Variants in RASA2 observed in about 807,000 individuals in gnomAD.
RASA2 encodes ras GTPase-activating protein 2.
A neutral mutation model predicts 118.2 loss-of-function variants in RASA2; 155 were observed. That is an observed-to-expected ratio of 1.31 (90% CI 1.15 to 1.50). The LOEUF is 1.50. Among genes scored for constraint, RASA2 ranks in the 40% most tolerant of loss-of-function variants. The pLI, the probability that RASA2 is intolerant of heterozygous loss-of-function variation, is 0.00. For synonymous variants in RASA2, 353 were observed against 349.1 expected, an observed-to-expected ratio of 1.01 and a Z score of -0.12; for missense variants, 1,016 against 1,009.6, an observed-to-expected ratio of 1.01 and a Z score of -0.09.
intron 3 of RASA2, among the ~76,000 whole-genome samples, chr3:141,517,637 A>G (rs1347915832): frequency 6.6e-6 from 1 of 152,122 alleles, no homozygotes; most frequent in Non-Finnish European, 1.5e-5. Context: ...GTCAAACCAT[A>G]TCGGTGACCA....
Position 141,610,055 on chromosome 3 carries a change from A to G in RASA2, c.2508A>G (p.Lys836=), listed in dbSNP as rs1197451433. The G allele has an allele frequency of 3.2e-6, 5 of 1,580,252 alleles. No individual in the cohort carries two copies. The highest frequency in any genetic ancestry group is 4.3e-6 in the Non-Finnish European group (5 of 1,165,104). Residue 836 remains lysine, a synonymous_variant, in exon 23 of 24, where the codon AAA becomes AAG. Coordinates refer to ENST00000286364, the MANE Select transcript of RASA2 (RefSeq NM_006506.5). The stretch of plus-strand genomic sequence containing the variant: ...GGAAGAAAAGATCCAGTAGTGCAAA[A>G]TATGGGAGCAAGTGAGTAATTTTTA... ...KYRKKRSSSA[K]YGSKENPIVG...
intron 15 of RASA2, 72 bp from the exon 16 acceptor site, chr3:141,580,296 C>G (rs1198881307): frequency 1.5e-5 from 18 of 1,167,086 alleles, no homozygotes; most frequent in Non-Finnish European, 2.2e-5. Context: ...AGTCCATTTA[C>G]TCTATTCTAC....
chr3:141,499,703 A>G (rs765813456), intron 1 of RASA2, among the ~76,000 whole-genome samples: 10 of 152,108 alleles, frequency 6.6e-5, no homozygotes, highest in Admixed American at 6.5e-5. Context: ...AGGTTCGACA[A>G]TTCTCCTGCC....
intron 2 of RASA2, among the ~76,000 whole-genome samples, chr3:141,514,048 A>G (rs1228823960): frequency 2.6e-5 from 4 of 152,206 alleles, no homozygotes; most frequent in African/African-American, 9.6e-5. Flanking sequence ...ACCACTAATT[A>G]TAAAAGATGA....
Position 141,581,308 on chromosome 3 carries a change from C to T in RASA2, c.1752+131C>T, listed in dbSNP as rs1055320405. On this transcript the variant is annotated intron_variant, in intron 17 of 23. Transcript: ENST00000286364. ...TTTAAACTGTTCATCAAAAAGGCTTCCTTTTTCTTTTTTCTTCTTCCACAA... is the reference window on the plus strand; with the variant it reads ...TTTAAACTGTTCATCAAAAAGGCTTTCTTTTTCTTTTTTCTTCTTCCACAA... 8 of 773,972 alleles carry T rather than the reference C, an allele frequency of 1.0e-5. No individual in the cohort carries two copies. The African/African-American group carries it at 1.3e-4, about 12-fold the overall frequency. The allele number at this position is 773,972 out of a possible 1,614,324, so 47.9% of individuals were successfully genotyped here.
chr3:141,509,010 A>C (rs943249851), intron 1 of RASA2, among the ~76,000 whole-genome samples: 1 of 152,190 alleles, frequency 6.6e-6, no homozygotes, highest in Non-Finnish European at 1.5e-5. Flanking sequence ...TAATAGGCAC[A>C]ATATTACTTT....
Position 141,571,061 on chromosome 3 carries a change from ATGTT to A in RASA2, c.1014_1017del (p.Val339AsnfsTer11). 6.3e-7 allele frequency: 1 copy of A among 1,597,448 alleles called. No individual in the cohort carries two copies. The highest frequency in any genetic ancestry group is 8.5e-7 in the Non-Finnish European group (1 of 1,175,436). On this transcript the variant is annotated frameshift_variant, in exon 10 of 24. Transcript: ENST00000286364. LOFTEE classifies it high-confidence loss of function. ...AAAACTTTGCTGCTAAAATCACCAG[ATGTT>A]CAAGTATGTTAAGAATCTTAAGGAT...
At chr3:141,544,327 TATTA>T (rs1259134665) in intron 5 of RASA2, among the ~76,000 whole-genome samples, 2 of 152,194 alleles carry the variant, frequency 1.3e-5, no homozygotes, top group Non-Finnish European at 1.5e-5. Context: ...TTATTTCTTC[TATTA>T]ATTCTTTATC....
At chr3:141,571,106 A>G (rs769295149) in intron 10 of RASA2, 38 bp downstream of exon 10, 37 of 1,545,220 alleles carry the variant, frequency 2.4e-5, no homozygotes, top group Non-Finnish European at 3.1e-5. Context: ...TTAACACGAA[A>G]CGGCTAAAAT....
intron 9 of RASA2, among the ~76,000 whole-genome samples, chr3:141,563,331 A>T (rs1174315879): frequency 6.6e-6 from 1 of 152,190 alleles, no homozygotes; most frequent in African/African-American, 2.4e-5. Flanking sequence ...GAAATGCCAG[A>T]TAGTCCTGAA....
Position 141,487,037 on chromosome 3 carries a change from G to C in RASA2, c.-47G>C, listed in dbSNP as rs2081583601. On this transcript the variant is annotated 5_prime_UTR_variant, in exon 1 of 24. Transcript: ENST00000286364. ...CTAGGCCGCTGCTGGGCTCCGCCTC[G>C]CCCGGCTACGCAGGCGGCAGGGCTG... 2 of 1,162,150 alleles carry C rather than the reference G, an allele frequency of 1.7e-6. No homozygotes were observed. Among genetic ancestry groups the C allele is most frequent in the Non-Finnish European group, 2.1e-6 (2 of 940,344 alleles). 72.0% of individuals were successfully genotyped at this position (1,162,150 alleles called of 1,614,324 possible).
In RASA2 at chr3:141,571,500, A is replaced by G; in HGVS notation, c.1115A>G (p.Asp372Gly). 6.2e-7 allele frequency: 1 copy of G among 1,613,154 alleles called. No homozygotes were observed. The highest frequency in any genetic ancestry group is 2.2e-5 in the East Asian group (1 of 44,812). The change falls in exon 11 of 24, where the codon GAT becomes GGT. Residue 372 changes from aspartate to glycine, a missense_variant. By Grantham distance (94) the Asp-to-Gly change is moderately conservative. Around this residue, in one of 2 missense-constraint regions of RASA2, gnomAD observed 896 missense variants for 836.4 expected, o/e 1.07. Coordinates refer to ENST00000286364, the MANE Select transcript of RASA2 (RefSeq NM_006506.5). ...LPLVRLLLHHDKLVPFATAVA... is the reference protein window; with the variant it reads ...LPLVRLLLHHGKLVPFATAVA... ...CTTGTACGACTGCTGCTGCACCATG[A>G]TAAACTTGTTCCTTTTGCCACTGCT...
intron 1 of RASA2, among the ~76,000 whole-genome samples, chr3:141,500,048 A>T (rs2081756469): frequency 6.6e-6 from 1 of 152,214 alleles, no homozygotes; most frequent in Non-Finnish European, 1.5e-5. Flanking sequence ...TTAGTGGTAG[A>T]TATTCCAGCA....
At chr3:141,562,300 C>T (rs1394204056) in intron 9 of RASA2, among the ~76,000 whole-genome samples, 1 of 141,000 alleles carries the variant, frequency 7.1e-6, no homozygotes, top group African/African-American at 2.6e-5. Flanking sequence ...GAAAATATAA[C>T]AAGTCTCCTG....
intron 3 of RASA2, among the ~76,000 whole-genome samples, chr3:141,518,581 C>T (rs902668356): frequency 6.7e-6 from 1 of 148,680 alleles, no homozygotes; most frequent in Non-Finnish European, 1.5e-5. Flanking sequence ...ATATTGAACT[C>T]CTTAACAAAT....
At position 141,561,874 on chromosome 3, in the gene RASA2, A is replaced by G. The variant is rs116638509; in HGVS notation, c.863+1879A>G. ...AGCACTTTATACATGATTTTAGACT[A>G]GATGAATATTTGATATGATTTAGCT... On this transcript the variant is annotated intron_variant, in intron 9 of 23. Coordinates refer to ENST00000286364, the MANE Select transcript of RASA2 (RefSeq NM_006506.5). Among the ~76,000 whole-genome samples the G allele has an allele frequency of 3.2e-3, 494 of 152,334 alleles. 4 individuals are homozygous for G. Among genetic ancestry groups the G allele is most frequent in the African/African-American group, 0.011 (467 of 41,584 alleles).
Position 141,572,723 on chromosome 3 carries a change from G to A in RASA2, c.1284G>A (p.Glu428=). ...TAACATTAAAACCTATTCTTGATGA[G>A]GTACAGAATATATCTCCAACAATGA... ...LKVTLKPILD[E]ICDSSKSCEI... is the part of the protein sequence containing the mutation. Residue 428 remains glutamate (E), a splice_region_variant and synonymous_variant, in exon 12 of 24, where the codon GAG becomes GAA. Transcript: ENST00000286364. 6.3e-7 allele frequency: 1 copy of A among 1,574,820 alleles called. No individual in the cohort carries two copies. The highest frequency in any genetic ancestry group is 8.7e-7 in the Non-Finnish European group (1 of 1,147,674).
intron 1 of RASA2, among the ~76,000 whole-genome samples, chr3:141,508,815 ATT>A (rs199828343): frequency 1.2e-4 from 17 of 143,594 alleles, no homozygotes; most frequent in Non-Finnish European, 7.7e-5. Context: ...TTGGCAATGG[ATT>A]TTTTTTTTTT....
rs186293845 is a variant in RASA2 at position 141,536,575 on chromosome 3, G to T, written c.451-3958G>T. Among the ~76,000 whole-genome samples the T allele has an allele frequency of 8.0e-4, 122 of 152,218 alleles. 2 individuals are homozygous for T. Among genetic ancestry groups the T allele is most frequent in the Non-Finnish European group, 1.4e-3 (94 of 68,018 alleles). ...AGTCATATAGAGCAATACCTTCCAAGAATTTGGTTTATTTTTTATTAAAGA... is the reference window on the plus strand; with the variant it reads ...AGTCATATAGAGCAATACCTTCCAATAATTTGGTTTATTTTTTATTAAAGA... On this transcript the variant is annotated intron_variant, in intron 4 of 23. Transcript: ENST00000286364.
Sources: gnomAD v4.1 joint callset for allele counts (sites outside exome capture counted in the v4.1 genomes callset) on GRCh38, gnomAD v4.1.1 for gene constraint, gnomAD v4.1.1 regional missense constraint, MANE v1.5 for transcripts, NCBI Gene and HGNC (gene_info 2026-07-23, HGNC 2026-07-21) for gene names.